Variants in DHX9 observed in about 807,000 individuals in gnomAD.
DHX9 encodes DExH-box helicase 9, also known as ATP-dependent RNA helicase A.
In DHX9, 27 loss-of-function variants were observed where a neutral mutation model predicts 148.7. The ratio of observed to expected loss-of-function variants is 0.18; its 90% CI spans 0.13 to 0.25. The LOEUF is 0.25. DHX9 is among the 10% of genes least tolerant of loss of function. The probability of loss-of-function intolerance (pLI) is 1.00; values close to 1 mark genes in which losing one functional copy is unlikely to be tolerated. For missense variants in DHX9, 796 were observed against 1,559.6 expected (o/e 0.51, Z 8.25); for synonymous variants, 529 against 516.6 (o/e 1.02, Z -0.33).
chr1:182,841,165 C>G (rs1169205242), intron 1 of DHX9, among the ~76,000 whole-genome samples: 1 of 152,052 alleles, frequency 6.6e-6, no homozygotes, highest in African/African-American at 2.4e-5. Flanking sequence ...GTGGCGGGCG[C>G]CTGTTGTCCC....
At chr1:182,872,137 G>T (rs1283746958) in intron 14 of DHX9, among the ~76,000 whole-genome samples, 200 bp from the exon 15 acceptor site, 1 of 152,124 alleles carries the variant, frequency 6.6e-6, no homozygotes, top group African/African-American at 2.4e-5. Context: ...CAACTATTAG[G>T]CTACAACTGT....
intron 17 of DHX9, 64 bp downstream of exon 17, chr1:182,876,327 C>T: frequency 6.3e-7 from 1 of 1,582,346 alleles, no homozygotes. Flanking sequence ...AGTGCCTTAG[C>T]CAGTATGTGA....
chr1:182,853,523 T>G, intron 5 of DHX9, 105 bp downstream of exon 5: 1 of 780,770 alleles, frequency 1.3e-6, no homozygotes, highest in Non-Finnish European at 2.1e-6. Context: ...TGGGTGCATC[T>G]TTTAAGAGGT....
intron 19 of DHX9, chr1:182,877,149 C>T (rs1259679311): frequency 2.4e-6 from 1 of 414,070 alleles, no homozygotes; most frequent in Non-Finnish European, 4.3e-6. Context: ...TCTCATTGCT[C>T]TTGGCTGCTG....
chr1:182,886,375 T>C (rs573406079), intron 27 of DHX9, among the ~76,000 whole-genome samples: 73 of 152,002 alleles, frequency 4.8e-4, no homozygotes, highest in African/African-American at 1.7e-3. Context: ...TTTGTATTTT[T>C]AGTAGAAACA....
chr1:182,861,055 T>G (rs2102602652), intron 12 of DHX9, among the ~76,000 whole-genome samples: 1 of 152,398 alleles, frequency 6.6e-6, no homozygotes, highest in East Asian at 1.9e-4. Context: ...GCATGTTCAT[T>G]TACATTTGCA....
chr1:182,883,726 ATTATATCTAACTTAATTATATACTAT>A, intron 26 of DHX9, 91 bp downstream of exon 26: 2 of 806,120 alleles, frequency 2.5e-6, no homozygotes, highest in Non-Finnish European at 4.0e-6. Context: ...TTATATACTA[ATTATATCTAACTTAATTATATACTAT>A]ATACTTAATC....
chr1:182,857,227 G>A (rs947959303), intron 7 of DHX9, among the ~76,000 whole-genome samples: 22 of 152,168 alleles, frequency 1.4e-4, no homozygotes, highest in Admixed American at 2.6e-4. Context: ...GATAAAGGCA[G>A]GCTAACTTCT....
At chr1:182,866,017 T>G (rs1281300491) in intron 12 of DHX9, among the ~76,000 whole-genome samples, 1 of 152,204 alleles carries the variant, frequency 6.6e-6, no homozygotes, top group Non-Finnish European at 1.5e-5. Context: ...GAATGTTTGA[T>G]TACTGAATTA....
chr1:182,871,385 A>T (rs1318329364), intron 14 of DHX9, among the ~76,000 whole-genome samples: 1 of 152,242 alleles, frequency 6.6e-6, no homozygotes, highest in Admixed American at 6.5e-5. Context: ...AATGTTGGAG[A>T]GTATGTGGAT....
intron 3 of DHX9, among the ~76,000 whole-genome samples, chr1:182,846,871 A>G (rs1571297019): frequency 6.7e-6 from 1 of 149,708 alleles, no homozygotes; most frequent in African/African-American, 2.4e-5. Context: ...AAGACTTGAT[A>G]TCCCACAGGT....
At position 182,853,718 on chromosome 1, in the gene DHX9, TA is replaced by T. The variant is rs1012888666; in HGVS notation, c.478-304del. On this transcript the variant is annotated intron_variant, in intron 5 of 27. Coordinates refer to ENST00000367549, the MANE Select transcript of DHX9 (RefSeq NM_001357.5). ...GACCTTATTTTATGAGCACTTAGAG[TA>T]AAAAAAAGTCTTTAGTATAGCTTAT... Among the ~76,000 whole-genome samples, 12 of 151,564 alleles carry T rather than the reference TA, an allele frequency of 7.9e-5. No homozygotes were observed. The East Asian group carries it at 2.1e-3, about 27-fold the overall frequency.
At chr1:182,849,143 T>G (rs1385067162) in intron 3 of DHX9, among the ~76,000 whole-genome samples, 1 of 152,242 alleles carries the variant, frequency 6.6e-6, no homozygotes, top group Non-Finnish European at 1.5e-5. Flanking sequence ...ACTTATTTCA[T>G]CTGGAACTTA....
At chr1:182,843,717 T>C (rs906319798) in intron 3 of DHX9, among the ~76,000 whole-genome samples, 24 of 152,318 alleles carry the variant, frequency 1.6e-4, no homozygotes, top group African/African-American at 5.5e-4. Context: ...GAGTCTGTTA[T>C]GTTCCATTCA....
chr1:182,884,385 C>T (rs1054482423), intron 26 of DHX9, among the ~76,000 whole-genome samples: 11 of 152,126 alleles, frequency 7.2e-5, no homozygotes, highest in South Asian at 6.2e-4. Context: ...TGGCTTAAGA[C>T]TCCTGCTCAT....
intron 3 of DHX9, among the ~76,000 whole-genome samples, chr1:182,845,315 T>G (rs899642476): frequency 2.6e-5 from 4 of 152,158 alleles, no homozygotes; most frequent in Non-Finnish European, 5.9e-5. Flanking sequence ...TAGTGACAAA[T>G]TCTCTTATTC....
chr1:182,842,297 T>C (rs1191458817), intron 1 of DHX9, among the ~76,000 whole-genome samples: 3 of 152,200 alleles, frequency 2.0e-5, no homozygotes, highest in Non-Finnish European at 4.4e-5. Context: ...ATAACCATTT[T>C]AGGGGGTATT....
chr1:182,857,290 C>T (rs528474989), intron 7 of DHX9, among the ~76,000 whole-genome samples: 10 of 152,104 alleles, frequency 6.6e-5, no homozygotes, highest in Non-Finnish European at 1.3e-4. Flanking sequence ...CAGAAAGATA[C>T]CTTTGTACCC....
At chr1:182,855,787 C>T in intron 6 of DHX9, 1 of 941,476 alleles carries the variant, frequency 1.1e-6, no homozygotes, top group African/African-American at 1.8e-5. Context: ...CTTTTATTCA[C>T]ACCACCAAGT....
Sources: gnomAD v4.1 joint callset for allele counts (sites outside exome capture counted in the v4.1 genomes callset) on GRCh38, gnomAD v4.1.1 for gene constraint, MANE v1.5 for transcripts, NCBI Gene and HGNC (gene_info 2026-07-23, HGNC 2026-07-21) for gene names.